FBXL7: variants seen among roughly 807,000 people sequenced by gnomAD.
FBXL7 encodes F-box and leucine rich repeat protein 7.
A neutral mutation model predicts 38.3 loss-of-function variants in FBXL7; 12 were observed. The ratio of observed to expected loss-of-function variants is 0.31; its 90% confidence interval spans 0.20 to 0.51. The LOEUF (loss-of-function observed/expected upper bound fraction) is 0.51, where lower values mean the gene tolerates loss of function less well. Ranked by LOEUF, FBXL7 falls within the 20% of genes least tolerant of loss-of-function variation. The pLI is 0.98. For synonymous variants in FBXL7, 297 were observed against 300.9 expected (o/e 0.99, Z 0.13); for missense variants, 567 against 676.4 (o/e 0.84, Z 1.79).
In FBXL7 at chr5:15,612,767, G is replaced by A. The variant is rs530974645; in HGVS notation, c.38-3216G>A. On this transcript the variant is annotated intron_variant, in intron 1 of 3. Transcript: ENST00000504595. The stretch of plus-strand genomic sequence containing the variant: ...ATGCCATCTCTTTGTAGGAGGGAAG[G>A]GTTCCCTGAGTTCGAGTAGAGGAAA... 2.6e-5 allele frequency among the ~76,000 whole-genome samples: 4 copies of A among 152,256 alleles called. 1 individual carries two copies. The South Asian group carries it at 8.3e-4, about 32-fold the overall frequency.
At chr5:15,904,726 TTAA>T (rs1034713072) in intron 2 of FBXL7, among the ~76,000 whole-genome samples, 103 of 152,164 alleles carry the variant, frequency 6.8e-4, no homozygotes, top group East Asian at 2.9e-3. Flanking sequence ...GAGTTATTTT[TTAA>T]TAATAATAAT....
rs568278421 is a variant in FBXL7, at chr5:15,610,210, G to A, written c.38-5773G>A. 3.4e-4 allele frequency among the ~76,000 whole-genome samples: 52 copies of A among 152,220 alleles called. 1 individual carries two copies. The South Asian group carries it at 0.01, about 30-fold the overall frequency. ...ACAATTCAAGATGAGATTTGGGTGG[G>A]GACCCAGCCAAACCATACCTTCTCC... On this transcript the variant is annotated intron_variant, in intron 1 of 3. Transcript: ENST00000504595.
intron 1 of FBXL7, among the ~76,000 whole-genome samples, chr5:15,544,866 T>G (rs2126413348): frequency 6.6e-6 from 1 of 152,346 alleles, no homozygotes; most frequent in South Asian, 2.1e-4. Context: ...TTCATTCTTT[T>G]TAGCCGTCTT....
intron 2 of FBXL7, among the ~76,000 whole-genome samples, chr5:15,672,577 G>T (rs1287399874): frequency 5.2e-5 from 7 of 134,616 alleles, no homozygotes; most frequent in Non-Finnish European, 7.7e-5. Flanking sequence ...TTTTTTTTGA[G>T]ATGAAGTCTT....
At chr5:15,818,537 AT>A (rs1168986369) in intron 2 of FBXL7, among the ~76,000 whole-genome samples, 1 of 152,206 alleles carries the variant, frequency 6.6e-6, no homozygotes, top group African/African-American at 2.4e-5. Context: ...TATAGAAAAA[AT>A]AATCAAGTAA....
rs939193934 is a variant in FBXL7, at chr5:15,936,902, G to A, written c.1192G>A (p.Ala398Thr). 1 of 1,614,000 alleles carries A rather than the reference G, an allele frequency of 6.2e-7. No individual in the cohort carries two copies. The highest frequency in any genetic ancestry group is 8.5e-7 in the Non-Finnish European group (1 of 1,179,882). The change falls in exon 4 of 4, where the codon GCC (alanine) becomes ACC (threonine). Residue 398 changes from alanine (A) to threonine (T), a missense_variant. Coordinates refer to ENST00000504595, the MANE Select transcript of FBXL7 (RefSeq NM_012304.5). This position sits in a 1 kb window ranked among gnomAD's most constrained non-coding sequence, Gnocchi z 6.0. ...CACGGACCACGGTGTGGAGTACCTC[G>A]CCAAGAACTGCACCAAACTCAAATC... is the stretch of plus-strand genomic sequence containing the variant. Reference protein sequence around the residue: ...GITDHGVEYLAKNCTKLKSLD... With the variant: ...GITDHGVEYLTKNCTKLKSLD...
intron 1 of FBXL7, among the ~76,000 whole-genome samples, chr5:15,508,962 G>A (rs993416086): frequency 4.6e-5 from 7 of 152,116 alleles, no homozygotes; most frequent in Non-Finnish European, 1.0e-4. Flanking sequence ...AACTTACAGC[G>A]TTATCGTTAC....
At chr5:15,795,978 A>G (rs1401929467) in intron 2 of FBXL7, among the ~76,000 whole-genome samples, 1 of 152,236 alleles carries the variant, frequency 6.6e-6, no homozygotes, top group Non-Finnish European at 1.5e-5. Flanking sequence ...CTAATAACCC[A>G]TAATCTATTT....
At chr5:15,549,828 G>T (rs1286311588) in intron 1 of FBXL7, among the ~76,000 whole-genome samples, 4 of 152,162 alleles carry the variant, frequency 2.6e-5, no homozygotes, top group Non-Finnish European at 2.9e-5. Flanking sequence ...TCTGTTAGAT[G>T]CTAGGGTGGT....
At chr5:15,596,895 T>G (rs1194504308) in intron 1 of FBXL7, among the ~76,000 whole-genome samples, 2 of 152,198 alleles carry the variant, frequency 1.3e-5, no homozygotes, top group Admixed American at 6.5e-5. Context: ...GTGCATCTCT[T>G]CATCTCTATC....
chr5:15,814,408 C>T (rs747707762), intron 2 of FBXL7, among the ~76,000 whole-genome samples: 2 of 152,010 alleles, frequency 1.3e-5, no homozygotes, highest in African/African-American at 2.4e-5. Flanking sequence ...AAGGGAACAT[C>T]GCACACTGGG....
chr5:15,649,199 G>T (rs113555853), intron 2 of FBXL7, among the ~76,000 whole-genome samples: 52 of 152,132 alleles, frequency 3.4e-4, no homozygotes, highest in African/African-American at 1.3e-3. Flanking sequence ...GTTTCACCAC[G>T]TTGGCCAGGC....
At chr5:15,806,862 G>A (rs1156405157) in intron 2 of FBXL7, among the ~76,000 whole-genome samples, 1 of 152,236 alleles carries the variant, frequency 6.6e-6, no homozygotes, top group East Asian at 1.9e-4. Context: ...GTGACTCGCT[G>A]TGACAGCTGC....
chr5:15,936,345 T>A lies in FBXL7; in HGVS notation c.740-105T>A, dbSNP rs1742180825. The A allele has an allele frequency of 1.4e-6, 2 of 1,400,164 alleles. No homozygotes were observed. The highest frequency in any genetic ancestry group is 1.9e-6 in the Non-Finnish European group (2 of 1,045,066). The allele number at this position is 1,400,164 out of a possible 1,614,324, so 86.7% of individuals were successfully genotyped here. A position where few individuals can be genotyped will look rare whatever the true frequency, so the allele number is the denominator to read the frequency against. Reference sequence around the variant, plus strand: ...AAGACAGGAAAGGGTAACATCAGCCTCGGACCCAGACTTGGGCGAGGGTCA... The same window carrying A: ...AAGACAGGAAAGGGTAACATCAGCCACGGACCCAGACTTGGGCGAGGGTCA... On this transcript the variant is annotated intron_variant, in intron 3 of 3. Transcript: ENST00000504595. The surrounding 1 kb of genome is among the most constrained non-coding windows in gnomAD (Gnocchi z 6.0).
chr5:15,686,414 C>T (rs1222394385), intron 2 of FBXL7, among the ~76,000 whole-genome samples: 2 of 152,178 alleles, frequency 1.3e-5, no homozygotes, highest in African/African-American at 4.8e-5. Flanking sequence ...AGTAATCTAG[C>T]CTCACACTAA....
At position 15,916,386 on chromosome 5, in the gene FBXL7, A is replaced by G. The variant is rs1448625006; in HGVS notation, c.128-11504A>G. ...ATGCAGAGATGGGGGAGCATGGTCT[A>G]GATTGAAAATCGAATTTGGGGAGTC... On this transcript the variant is annotated intron_variant, in intron 2 of 3. Transcript: ENST00000504595. Among the ~76,000 whole-genome samples, 4 of 152,172 alleles carry G rather than the reference A, an allele frequency of 2.6e-5. No homozygotes were observed. The South Asian group carries it at 8.3e-4, about 31-fold the overall frequency.
At chr5:15,627,237 G>C (rs553567264) in intron 2 of FBXL7, among the ~76,000 whole-genome samples, 107 of 152,316 alleles carry the variant, frequency 7.0e-4, no homozygotes, top group African/African-American at 2.5e-3. Flanking sequence ...TTGTGTAGCA[G>C]TTAAATAGCC....
At chr5:15,836,167 T>C (rs1043438569) in intron 2 of FBXL7, among the ~76,000 whole-genome samples, 5 of 152,210 alleles carry the variant, frequency 3.3e-5, no homozygotes, top group African/African-American at 1.2e-4. Context: ...CATTGTACCA[T>C]ATTCTATCAG....
Position 15,725,674 on chromosome 5 carries a change from C to T in FBXL7, c.127+109602C>T, listed in dbSNP as rs529375069. 2.1e-4 allele frequency among the ~76,000 whole-genome samples: 32 copies of T among 152,174 alleles called. No individual in the cohort carries two copies. The South Asian group carries it at 6.6e-3, about 32-fold the overall frequency. On this transcript the variant is annotated intron_variant, in intron 2 of 3. Transcript: ENST00000504595. ...GTTGCTGTTGAGAGGGAGTCTCAGT[C>T]ACCAAGGCTGGAGTGCAGTGGAACT...
Sources: allele counts gnomAD v4.1 joint callset (sites outside exome capture counted in the v4.1 genomes callset), GRCh38; gene constraint gnomAD v4.1.1; non-coding constraint Gnocchi (gnomAD v3.1); transcripts MANE v1.5; gene names NCBI Gene and HGNC (gene_info 2026-07-23, HGNC 2026-07-21).